The following ATP10A variants were observed in gnomAD, a reference collection of about 807,000 sequenced individuals.
ATP10A encodes phospholipid-transporting ATPase VA.
Under a neutral mutation model 147.8 loss-of-function variants are expected in ATP10A, and 111 were observed. The ratio of observed to expected loss-of-function variants is 0.75; its 90% CI spans 0.64 to 0.88. ATP10A has a LOEUF of 0.88. Among genes scored for constraint, ATP10A ranks in the 40% least tolerant of loss-of-function variants. ATP10A has a pLI of 0.00. For missense variants in ATP10A, 1,927 were observed against 1,959.0 expected, an observed-to-expected ratio of 0.98 and a Z score of 0.31; for synonymous variants, 875 against 841.6, an observed-to-expected ratio of 1.04 and a Z score of -0.69.
chr15:25,759,902 A>G (rs1888661400), intron 2 of ATP10A, among the ~76,000 whole-genome samples: 1 of 151,332 alleles, frequency 6.6e-6, no homozygotes, highest in African/African-American at 2.4e-5. Context: ...TGTGCTTTGT[A>G]TCTTTGAAAT....
chr15:25,779,739 T>C (rs1357256520), intron 2 of ATP10A, among the ~76,000 whole-genome samples: 1 of 152,160 alleles, frequency 6.6e-6, no homozygotes, highest in African/African-American at 2.4e-5. Context: ...AGCACTCCAT[T>C]AACAACAACA....
intron 1 of ATP10A, among the ~76,000 whole-genome samples, chr15:25,806,224 C>G (rs140686388): frequency 6.6e-6 from 1 of 152,160 alleles, no homozygotes; most frequent in Non-Finnish European, 1.5e-5. Context: ...CTCCTCAGCA[C>G]GCTCAACATC....
chr15:25,742,224 A>ACTGG (rs1887618104), intron 2 of ATP10A, among the ~76,000 whole-genome samples: 1 of 152,268 alleles, frequency 6.6e-6, no homozygotes, highest in Non-Finnish European at 1.5e-5. Context: ...GACAATGAGA[A>ACTGG]CTGGCATCCA....
At chr15:25,828,312 A>G (rs1286299940) in intron 1 of ATP10A, among the ~76,000 whole-genome samples, 1 of 152,252 alleles carries the variant, frequency 6.6e-6, no homozygotes, top group Non-Finnish European at 1.5e-5. Context: ...AGACAACTGT[A>G]GAATACTCTG....
intron 1 of ATP10A, among the ~76,000 whole-genome samples, chr15:25,850,356 G>T (rs944096924): frequency 3.3e-5 from 5 of 152,162 alleles, no homozygotes; most frequent in Non-Finnish European, 7.3e-5. Context: ...GTGCAGCACT[G>T]GAGATGACCG....
At chr15:25,776,609 C>G (rs76719748) in intron 2 of ATP10A, among the ~76,000 whole-genome samples, 22,939 of 152,114 alleles carry the variant, frequency 0.15, 1,915 homozygotes, top group Non-Finnish European at 0.18. Context: ...ACTCTTACAT[C>G]AAATCTTTAC....
At chr15:25,717,743 G>A (rs1158640583) in intron 8 of ATP10A, among the ~76,000 whole-genome samples, 4 of 147,898 alleles carry the variant, frequency 2.7e-5, no homozygotes, top group Non-Finnish European at 4.5e-5. Flanking sequence ...CTCACTTCTC[G>A]CCTCTCCGTG....
Position 25,720,064 on chromosome 15 carries a change from G to A in ATP10A, c.1363+1593C>T, listed in dbSNP as rs1902117489. Among the ~76,000 whole-genome samples, 5 of 152,100 alleles carry A rather than the reference G, an allele frequency of 3.3e-5. No homozygotes were observed. In the South Asian group the frequency reaches 1.0e-3, roughly 32 times the overall value. ...GTGTCTTGAGGCAAGGAAACCCTCTGGTTTTATGGTAGCATTTGGCAACTG... is the reference window on the plus strand; with the variant it reads ...GTGTCTTGAGGCAAGGAAACCCTCTAGTTTTATGGTAGCATTTGGCAACTG... On this transcript the variant is annotated intron_variant, in intron 7 of 20. Transcript: ENST00000555815.
chr15:25,694,589 C>A (rs187196377), intron 14 of ATP10A, among the ~76,000 whole-genome samples: 1 of 152,210 alleles, frequency 6.6e-6, no homozygotes, highest in African/African-American at 2.4e-5. Flanking sequence ...AAAGCAGCAC[C>A]GGATTACTGA....
In ATP10A at chr15:25,683,394, C is replaced by G; in HGVS notation, c.3384G>C (p.Leu1128=). The change falls in exon 17 of 21, where the codon CTG becomes CTC. Residue 1128 remains leucine (L), a synonymous_variant. Transcript: ENST00000555815. ...CGAGCGGGGGAAGTGACGAGAAGAG[C>G]AGATTAAAGAAGATTAGATACCACT... ...IDQWYLIFFN[L]LFSSLPPLVT... The G allele has an allele frequency of 1.9e-6, 3 of 1,614,052 alleles. No individual in the cohort carries two copies. The highest frequency in any genetic ancestry group is 2.5e-6 in the Non-Finnish European group (3 of 1,180,010).
In ATP10A at chr15:25,767,125, CTT is replaced by C. The variant is rs1166409891; in HGVS notation, c.654+13892_654+13893del. 2.0e-5 allele frequency among the ~76,000 whole-genome samples: 3 copies of C among 152,298 alleles called. No individual in the cohort carries two copies. In the South Asian group the frequency reaches 6.2e-4, roughly 32 times the overall value. On this transcript the variant is annotated intron_variant, in intron 2 of 20. Coordinates refer to ENST00000555815, the MANE Select transcript of ATP10A (RefSeq NM_024490.4). Reference sequence around the variant, plus strand: ...TCTGGTCTAGAGAGCCATTCCCTAACTTTACCATGGTATTCACAGGTGACACT... The same window carrying C: ...TCTGGTCTAGAGAGCCATTCCCTAACTACCATGGTATTCACAGGTGACACT...
intron 1 of ATP10A, among the ~76,000 whole-genome samples, chr15:25,829,808 G>C (rs570052572): frequency 2.0e-5 from 3 of 152,246 alleles, no homozygotes; most frequent in African/African-American, 4.8e-5. Flanking sequence ...GTGAGGGTAC[G>C]GGGGAGGGAC....
rs1007800484 is a variant in ATP10A at position 25,679,142 on chromosome 15, T to C, written c.*199A>G. ...CTCTTCTTTAAACTTTTATATATGT[T>C]AAGGCTCTTCTTTTTCTTTTCAATA... is the stretch of plus-strand genomic sequence containing the variant. On this transcript the variant is annotated 3_prime_UTR_variant, in exon 21 of 21. Transcript: ENST00000555815. 15 of 316,210 alleles carry C rather than the reference T, an allele frequency of 4.7e-5. No homozygotes were observed. Among genetic ancestry groups the C allele is most frequent in the Non-Finnish European group, 7.5e-5 (14 of 186,082 alleles). The allele number at this position is 316,210 out of a possible 1,614,324, so 19.6% of individuals were successfully genotyped here. A position where few individuals can be genotyped will look rare whatever the true frequency, so the allele number is the denominator to read the frequency against.
Position 25,724,010 on chromosome 15 carries a change from A to G in ATP10A, c.991T>C (p.Trp331Arg). 3 of 1,600,632 alleles carry G rather than the reference A, an allele frequency of 1.9e-6. No homozygotes were observed. Among genetic ancestry groups the G allele is most frequent in the Non-Finnish European group, 2.6e-6 (3 of 1,174,976 alleles). ...TTCTTCTCTTGATACCGCCATATCC[A>G]CAGTCCATGTCCTGTAGTAATGTTC... Reference protein sequence around the residue: ...SLFSAVGHGLWIWRYQEKKSL... With the variant: ...SLFSAVGHGLRIWRYQEKKSL... The change falls in exon 6 of 21, where the codon TGG becomes CGG. Residue 331 changes from tryptophan (W) to arginine (R), a missense_variant. Physicochemically the swap from Trp to Arg is moderately radical, Grantham distance 101. Coordinates refer to ENST00000555815, the MANE Select transcript of ATP10A (RefSeq NM_024490.4).
chr15:25,683,025 C>T (rs182257704), intron 17 of ATP10A, among the ~76,000 whole-genome samples: 1 of 152,204 alleles, frequency 6.6e-6, no homozygotes, highest in East Asian at 1.9e-4. Context: ...TTCAGTGATC[C>T]CCTGTGACTG....
chr15:25,754,380 TG>T (rs1252806897), intron 2 of ATP10A, among the ~76,000 whole-genome samples: 2 of 152,178 alleles, frequency 1.3e-5, no homozygotes, highest in Non-Finnish European at 2.9e-5. Flanking sequence ...GTGATCTGCC[TG>T]CTTTGGCCTC....
At chr15:25,754,261 G>A (rs895885799) in intron 2 of ATP10A, among the ~76,000 whole-genome samples, 1 of 152,166 alleles carries the variant, frequency 6.6e-6, no homozygotes, top group Non-Finnish European at 1.5e-5. Context: ...AGCCTCCCGA[G>A]TAGCTGGGAC....
At chr15:25,745,675 T>C (rs996646735) in intron 2 of ATP10A, among the ~76,000 whole-genome samples, 1 of 152,248 alleles carries the variant, frequency 6.6e-6, no homozygotes, top group Non-Finnish European at 1.5e-5. Context: ...ATGTTGACTG[T>C]ATTAAATAAT....
intron 1 of ATP10A, among the ~76,000 whole-genome samples, chr15:25,790,628 A>G (rs535353232): frequency 1.3e-5 from 2 of 152,340 alleles, no homozygotes; most frequent in South Asian, 2.1e-4. Flanking sequence ...GATTAAATCT[A>G]TTTTCCCCAG....
Sources: allele counts gnomAD v4.1 joint callset (sites outside exome capture counted in the v4.1 genomes callset), GRCh38; gene constraint gnomAD v4.1.1; transcripts MANE v1.5; gene names NCBI Gene and HGNC (gene_info 2026-07-23, HGNC 2026-07-21).